The following VSTM1 variants were observed in gnomAD, a reference collection of about 807,000 sequenced individuals.
VSTM1 encodes V-set and transmembrane domain-containing protein 1.
In VSTM1, 27 loss-of-function variants were observed where a neutral mutation model predicts 33.1. The observed-to-expected ratio is 0.82, with a 90% CI of 0.60 to 1.12. VSTM1 has a LOEUF of 1.12. Among genes scored for constraint, VSTM1 ranks in the 50% most tolerant of loss-of-function variants. VSTM1 has a pLI of 0.00. For missense variants in VSTM1, 304 were observed against 288.9 expected (o/e 1.05, Z -0.38); for synonymous variants, 115 against 110.3 (o/e 1.04, Z -0.27).
chr19:54,041,463 A>G (rs4806691), intron 8 of VSTM1, among the ~76,000 whole-genome samples: 75,039 of 151,588 alleles, frequency 0.5, 19,341 homozygotes, highest in African/African-American at 0.63. Context: ...TACCACGCCC[A>G]GCTAATTTTT....
intron 3 of VSTM1, among the ~76,000 whole-genome samples, chr19:54,057,474 C>T (rs1378363533): frequency 6.6e-6 from 1 of 150,692 alleles, no homozygotes; most frequent in African/African-American, 2.4e-5. Context: ...GTGTTCATGC[C>T]ACTGCACTCC....
Position 54,040,977 on chromosome 19 carries a change from G to T in VSTM1, c.695C>A (p.Ala232Glu), listed in dbSNP as rs146430350. 8 of 1,609,608 alleles carry T rather than the reference G, an allele frequency of 5.0e-6. 1 individual carries two copies. The highest frequency in any genetic ancestry group is 4.4e-5 in the South Asian group (4 of 90,662). ...GTCTTCTTGCTACACTTTCAGTGCCGCATATTCATGAGATCCTGGGGGCTC... is the reference window on the plus strand; with the variant it reads ...GTCTTCTTGCTACACTTTCAGTGCCTCATATTCATGAGATCCTGGGGGCTC... ...TQEPPGSHEYAALKV is the reference protein window; with the variant it reads ...TQEPPGSHEYEALKV The change falls in exon 9 of 9, where the codon GCG becomes GAG. Residue 232 changes from alanine to glutamate, a missense_variant. Physicochemically the swap from Ala to Glu is moderately radical, Grantham distance 107. Transcript: ENST00000338372.
Position 54,056,223 on chromosome 19 carries a change from T to TC in VSTM1, c.355+2082_355+2083insG, listed in dbSNP as rs1339104668. 9.5e-5 allele frequency among the ~76,000 whole-genome samples: 7 copies of TC among 73,568 alleles called. 1 individual carries two copies. Among genetic ancestry groups the TC allele is most frequent in the African/African-American group, 3.0e-4 (7 of 23,520 alleles). The allele number at this position is 73,568 out of a possible 152,430, so 48.3% of individuals were successfully genotyped here. On this transcript the variant is annotated intron_variant, in intron 3 of 8. Coordinates refer to ENST00000338372, the MANE Select transcript of VSTM1 (RefSeq NM_198481.4). ...TCTTTTCTTTTCTTTTCTTTTTTTT[T>TC]TTTTTTTTTTTTTTTTGAGACAGGT...
chr19:54,059,749 C>T (rs2146143430), intron 1 of VSTM1, among the ~76,000 whole-genome samples: 1 of 152,280 alleles, frequency 6.6e-6, no homozygotes, highest in South Asian at 2.1e-4. Context: ...GCTGGGATTA[C>T]AGGCATGAGC....
chr19:54,047,301 A>AT (rs35591694), intron 4 of VSTM1, among the ~76,000 whole-genome samples: 1,489 of 148,334 alleles, frequency 0.01, 14 homozygotes, highest in African/African-American at 0.034. Flanking sequence ...AAAAGCAACA[A>AT]TTTTTTTTTT....
chr19:54,048,403 A>C lies in VSTM1; in HGVS notation c.394+3007T>G, dbSNP rs143954215. On this transcript the variant is annotated intron_variant, in intron 4 of 8. Coordinates refer to ENST00000338372, the MANE Select transcript of VSTM1 (RefSeq NM_198481.4). Reference sequence around the variant, plus strand: ...AGTCCTGGTATTACAGACGTGAGCCACTGCGCCCGGCAAAGATATTTTATT... The same window carrying C: ...AGTCCTGGTATTACAGACGTGAGCCCCTGCGCCCGGCAAAGATATTTTATT... The C allele has an allele frequency of 1.2e-3, 421 of 362,570 alleles. 1 individual carries two copies. Among genetic ancestry groups the C allele is most frequent in the African/African-American group, 8.3e-3 (385 of 46,590 alleles). 22.5% of individuals were successfully genotyped at this position (362,570 alleles called of 1,614,324 possible). A position where few individuals can be genotyped will look rare whatever the true frequency, so the allele number is the denominator to read the frequency against.
At chr19:54,046,011 A>G (rs1470977219) in intron 4 of VSTM1, among the ~76,000 whole-genome samples, 1 of 152,014 alleles carries the variant, frequency 6.6e-6, no homozygotes, top group Non-Finnish European at 1.5e-5. Flanking sequence ...CTAATCTATC[A>G]TATCTAGTTA....
rs776591993 is a variant in VSTM1 at position 54,042,420 on chromosome 19, T to C, written c.395-51A>G. On this transcript the variant is annotated intron_variant, in intron 4 of 8. Coordinates refer to ENST00000338372, the MANE Select transcript of VSTM1 (RefSeq NM_198481.4). ...AATCAGCCTGGCTCCTGAAATCCAC[T>C]GATAGGGGCGAGCCGAAAAGCTAAG... The C allele has an allele frequency of 9.5e-6, 15 of 1,581,254 alleles. No homozygotes were observed. The Admixed American group carries it at 2.7e-4, about 29-fold the overall frequency.
At chr19:54,051,173 T>C (rs2070821658) in intron 4 of VSTM1, among the ~76,000 whole-genome samples, 1 of 152,068 alleles carries the variant, frequency 6.6e-6, no homozygotes, top group African/African-American at 2.4e-5. Context: ...GTGCCTGTAG[T>C]CCCAGCTATT....
chr19:54,049,611 G>A (rs1472719061), intron 4 of VSTM1, among the ~76,000 whole-genome samples: 1 of 152,048 alleles, frequency 6.6e-6, no homozygotes, highest in African/African-American at 2.4e-5. Flanking sequence ...CTCCCACCTC[G>A]TTTCTGATAC....
intron 3 of VSTM1, among the ~76,000 whole-genome samples, chr19:54,057,207 C>T (rs1021253270): frequency 2.1e-5 from 3 of 140,238 alleles, no homozygotes; most frequent in African/African-American, 5.2e-5. Context: ...CCAGCCATGT[C>T]CCACGACAGG....
intron 3 of VSTM1, among the ~76,000 whole-genome samples, chr19:54,056,215 T>A (rs1409678525): frequency 2.5e-5 from 1 of 39,696 alleles, no homozygotes; most frequent in Non-Finnish European, 4.5e-5. Flanking sequence ...TTTTCTTTTC[T>A]TTTTTTTTTT....
chr19:54,059,025 CG>C lies in VSTM1; in HGVS notation c.35-294del, dbSNP rs1568479857. Among the ~76,000 whole-genome samples the C allele has an allele frequency of 4.7e-5, 7 of 148,114 alleles. 1 individual carries two copies. Among genetic ancestry groups the C allele is most frequent in the Non-Finnish European group, 1.0e-4 (7 of 67,436 alleles). On this transcript the variant is annotated intron_variant, in intron 1 of 8. Transcript: ENST00000338372. ...TCCATTGTTTGTCATTCAGAAGCTACGTGTATGGAGAAAATTCCAGCAACTT... is the reference window on the plus strand; with the variant it reads ...TCCATTGTTTGTCATTCAGAAGCTACTGTATGGAGAAAATTCCAGCAACTT...
intron 1 of VSTM1, among the ~76,000 whole-genome samples, chr19:54,061,264 C>T (rs573991879): frequency 4.6e-5 from 7 of 152,194 alleles, no homozygotes; most frequent in East Asian, 1.9e-4. Flanking sequence ...GAGATCTGCC[C>T]GCCTGGGCCT....
At chr19:54,054,634 A>AATGGATGG (rs35280887) in intron 3 of VSTM1, among the ~76,000 whole-genome samples, 5,943 of 135,348 alleles carry the variant, frequency 0.044, 936 homozygotes, top group Middle Eastern at 0.091. Flanking sequence ...TGAATGGATG[A>AATGGATGG]ATGGATGGAT....
chr19:54,060,062 C>A (rs1276472330), intron 1 of VSTM1, among the ~76,000 whole-genome samples: 2 of 150,548 alleles, frequency 1.3e-5, no homozygotes, highest in East Asian at 4.0e-4. Flanking sequence ...CTGTGTTAGC[C>A]AGGATGGTCT....
intron 4 of VSTM1, among the ~76,000 whole-genome samples, chr19:54,047,486 G>A (rs1309456905): frequency 6.6e-6 from 1 of 152,040 alleles, no homozygotes; most frequent in African/African-American, 2.4e-5. Flanking sequence ...TAGAGATGAG[G>A]TTTCACCATG....
At chr19:54,059,321 A>G (rs1371885060) in intron 1 of VSTM1, among the ~76,000 whole-genome samples, 2 of 152,076 alleles carry the variant, frequency 1.3e-5, no homozygotes, top group African/African-American at 4.8e-5. Context: ...TCGGCCTCCC[A>G]AAGTGCTGGG....
chr19:54,041,972 C>T lies in VSTM1; in HGVS notation c.516-19G>A, dbSNP rs369942402. On this transcript the variant is annotated intron_variant, in intron 6 of 8. Coordinates refer to ENST00000338372, the MANE Select transcript of VSTM1 (RefSeq NM_198481.4). ...GCTGGTTCTGAAAGAGAGAGACACACGTGAAAGGATGGGATGTGAAGATTT... is the reference window on the plus strand; with the variant it reads ...GCTGGTTCTGAAAGAGAGAGACACATGTGAAAGGATGGGATGTGAAGATTT... The T allele has an allele frequency of 8.0e-5, 129 of 1,613,724 alleles. No homozygotes were observed. Among genetic ancestry groups the T allele is most frequent in the South Asian group, 9.9e-5 (9 of 91,062 alleles).
Sources: gnomAD v4.1 joint callset for allele counts (sites outside exome capture counted in the v4.1 genomes callset) on GRCh38, gnomAD v4.1.1 for gene constraint, MANE v1.5 for transcripts, NCBI Gene and HGNC (gene_info 2026-07-23, HGNC 2026-07-21) for gene names.